CTXND1: variants seen among roughly 807,000 people sequenced by gnomAD.
The protein encoded by CTXND1 is cortexin domain containing 1, also known as cortexin domain-containing 1 protein.
chr15:80,202,945 A>C (rs1290835152), intron 2 of CTXND1, among the ~76,000 whole-genome samples: 1 of 152,110 alleles, frequency 6.6e-6, no homozygotes, highest in Non-Finnish European at 1.5e-5. Flanking sequence ...CTGACACATC[A>C]CTCATTCATC....
rs369763626 is a variant in CTXND1 at position 80,199,442 on chromosome 15, T to G, written c.*2328A>C. ...GGTCTGGAAGACCTTTTCTTTTTCC[T>G]GGGGTCTGTTATTAGCTGACTGGGA... On this transcript the variant is annotated 3_prime_UTR_variant, in exon 3 of 3. Coordinates refer to ENST00000560778, the MANE Select transcript of CTXND1 (RefSeq NM_001352888.2). 2 of 152,352 alleles carry G rather than the reference T, an allele frequency of 1.3e-5. No individual in the cohort carries two copies. Among genetic ancestry groups the G allele is most frequent in the South Asian group, 4.1e-4 (2 of 4,826 alleles). 9.4% of individuals were successfully genotyped at this position (152,352 alleles called of 1,614,324 possible).
At chr15:80,241,571 C>T (rs1893567546) in intron 1 of CTXND1, among the ~76,000 whole-genome samples, 2 of 152,288 alleles carry the variant, frequency 1.3e-5, no homozygotes, top group South Asian at 4.1e-4. Context: ...AGGGCAGGGG[C>T]CCCCATTCTC....
chr15:80,246,387 G>T (rs577385301), intron 1 of CTXND1, among the ~76,000 whole-genome samples: 18 of 152,324 alleles, frequency 1.2e-4, no homozygotes, highest in African/African-American at 4.1e-4. Flanking sequence ...CTCAGATCTG[G>T]GCTTTGCTGT....
At chr15:80,231,198 C>T (rs2142134860) in intron 1 of CTXND1, among the ~76,000 whole-genome samples, 1 of 151,790 alleles carries the variant, frequency 6.6e-6, no homozygotes, top group South Asian at 2.1e-4. Flanking sequence ...GCCTACTTCT[C>T]TCCAGGTTCA....
chr15:80,206,961 G>A (rs1245043082), intron 1 of CTXND1, among the ~76,000 whole-genome samples: 2 of 152,200 alleles, frequency 1.3e-5, no homozygotes, highest in Non-Finnish European at 2.9e-5. Context: ...ATGTCCTTCA[G>A]GAAGAGGTCA....
intron 1 of CTXND1, among the ~76,000 whole-genome samples, chr15:80,207,502 T>A (rs1312834719): frequency 2.6e-5 from 4 of 152,240 alleles, no homozygotes; most frequent in Non-Finnish European, 5.9e-5. Flanking sequence ...ACTGATATCA[T>A]AATTTTTTTG....
intron 1 of CTXND1, among the ~76,000 whole-genome samples, chr15:80,234,128 G>T (rs1335328234): frequency 6.6e-6 from 1 of 152,190 alleles, no homozygotes; most frequent in Non-Finnish European, 1.5e-5. Flanking sequence ...TCCTTTGTGT[G>T]CAGAGCATCA....
At chr15:80,238,262 G>A (rs1893525277) in intron 1 of CTXND1, among the ~76,000 whole-genome samples, 1 of 151,954 alleles carries the variant, frequency 6.6e-6, no homozygotes, top group South Asian at 2.1e-4. Context: ...TCCTGCACAG[G>A]TGTACCACTT....
In CTXND1 at chr15:80,248,866, G is replaced by C. The variant is rs545586043; in HGVS notation, c.-218+3141C>G. 1.6e-4 allele frequency among the ~76,000 whole-genome samples: 25 copies of C among 152,338 alleles called. No individual in the cohort carries two copies. In the East Asian group the frequency reaches 4.4e-3, roughly 27 times the overall value. On this transcript the variant is annotated intron_variant, in intron 1 of 2. Transcript: ENST00000560778. ...GCATAGAGATTCATGTCTATGGAAAGAACATTGTATTTTAATTACCCATGT... is the reference window on the plus strand; with the variant it reads ...GCATAGAGATTCATGTCTATGGAAACAACATTGTATTTTAATTACCCATGT...
intron 1 of CTXND1, among the ~76,000 whole-genome samples, chr15:80,220,099 C>CATCTATCTATCTATCT (rs3974511): frequency 1.4e-5 from 2 of 146,596 alleles, no homozygotes; most frequent in African/African-American, 2.5e-5. Flanking sequence ...AATATACTCT[C>CATCTATCTATCTATCT]ATCTATCTAT....
At chr15:80,249,041 C>G (rs1377972823) in intron 1 of CTXND1, among the ~76,000 whole-genome samples, 4 of 152,104 alleles carry the variant, frequency 2.6e-5, no homozygotes, top group Middle Eastern at 3.4e-3. Context: ...CAGCCTTGAA[C>G]TCCTGGGCTC....
rs1893530310 is a variant in CTXND1, at chr15:80,238,605, C to T, written c.-218+13402G>A. ...GTTCACGCCATTCTCCTGCCTCAGC[C>T]TCCCGAGTAGCTAGGACTACAGGTG... On this transcript the variant is annotated intron_variant, in intron 1 of 2. Coordinates refer to ENST00000560778, the MANE Select transcript of CTXND1 (RefSeq NM_001352888.2). Among the ~76,000 whole-genome samples the T allele has an allele frequency of 5.9e-5, 9 of 152,104 alleles. No individual in the cohort carries two copies. The South Asian group carries it at 1.9e-3, about 32-fold the overall frequency.
intron 1 of CTXND1, among the ~76,000 whole-genome samples, chr15:80,239,143 C>T (rs1350761852): frequency 6.6e-6 from 1 of 152,176 alleles, no homozygotes; most frequent in African/African-American, 2.4e-5. Context: ...TCACGCCAGC[C>T]CTGGAGGCTC....
Position 80,198,072 on chromosome 15 carries a change from C to G in CTXND1, c.*3698G>C, listed in dbSNP as rs2041429497. 1 of 152,218 alleles carries G rather than the reference C, an allele frequency of 6.6e-6. No homozygotes were observed. Among genetic ancestry groups the G allele is most frequent in the South Asian group, 2.1e-4 (1 of 4,826 alleles). 9.4% of individuals were successfully genotyped at this position (152,218 alleles called of 1,614,324 possible). ...CTTCTAGTGACCATCACTCTGAACT[C>G]TTGGTTCTGCATATTTCTGCTACCC... On this transcript the variant is annotated 3_prime_UTR_variant, in exon 3 of 3. Coordinates refer to ENST00000560778, the MANE Select transcript of CTXND1 (RefSeq NM_001352888.2).
intron 1 of CTXND1, among the ~76,000 whole-genome samples, chr15:80,246,291 A>C (rs1245725404): frequency 6.6e-6 from 1 of 152,250 alleles, no homozygotes; most frequent in Non-Finnish European, 1.5e-5. Context: ...AAGTAAGAAT[A>C]GAGAGAAACT....
intron 1 of CTXND1, among the ~76,000 whole-genome samples, chr15:80,240,029 G>A (rs1023425483): frequency 6.6e-6 from 1 of 152,090 alleles, no homozygotes; most frequent in Non-Finnish European, 1.5e-5. Flanking sequence ...GCAATGGCAC[G>A]ATCTCAGCCC....
intron 1 of CTXND1, among the ~76,000 whole-genome samples, chr15:80,204,168 A>T (rs1893119444): frequency 4.9e-5 from 1 of 20,410 alleles, no homozygotes; most frequent in Non-Finnish European, 8.1e-5. Context: ...AAAAAAAAAA[A>T]AATATATATA....
rs374280487 is a variant in CTXND1, at chr15:80,214,935, G to A, written c.-217-11195C>T. Reference sequence around the variant, plus strand: ...GCACACCATTAGGAATGAGAAACAGGATATAACCACAGATGCTATACAAAG... The same window carrying A: ...GCACACCATTAGGAATGAGAAACAGAATATAACCACAGATGCTATACAAAG... On this transcript the variant is annotated intron_variant, in intron 1 of 2. Transcript: ENST00000560778. Among the ~76,000 whole-genome samples, 283 of 152,250 alleles carry A rather than the reference G, an allele frequency of 1.9e-3. 13 individuals carry two copies. The South Asian group carries it at 0.056, about 30-fold the overall frequency.
In CTXND1 at chr15:80,205,592, T is replaced by C. The variant is rs75608197; in HGVS notation, c.-217-1852A>G. 3.6e-3 allele frequency among the ~76,000 whole-genome samples: 551 copies of C among 152,330 alleles called. 3 individuals are homozygous for C. The highest frequency in any genetic ancestry group is 0.013 in the African/African-American group (538 of 41,568). ...ACTTGAAACTTACATTTGTCTCATC[T>C]GAGTTTTTTCCTTAGAAAACTGACT... On this transcript the variant is annotated intron_variant, in intron 1 of 2. Coordinates refer to ENST00000560778, the MANE Select transcript of CTXND1 (RefSeq NM_001352888.2).
Sources: gnomAD v4.1 joint callset for allele counts (sites outside exome capture counted in the v4.1 genomes callset) on GRCh38, gnomAD v4.1.1 for gene constraint, MANE v1.5 for transcripts, NCBI Gene and HGNC (gene_info 2026-07-23, HGNC 2026-07-21) for gene names.